The following SMAP2 variants were observed in gnomAD, a reference collection of about 807,000 sequenced individuals.
SMAP2 encodes stromal membrane-associated protein 2.
A neutral mutation model predicts 56.4 loss-of-function variants in SMAP2; 25 were observed. The observed-to-expected ratio is 0.44, with a 90% CI of 0.32 to 0.62. The LOEUF (loss-of-function observed/expected upper bound fraction) is 0.62, where lower values mean the gene tolerates loss of function less well. SMAP2 is among the 20% of genes least tolerant of loss of function. SMAP2 has a pLI of 0.04. For missense variants in SMAP2, 388 were observed against 545.6 expected (o/e 0.71, Z 2.88); for synonymous variants, 157 against 181.7 (o/e 0.86, Z 1.09).
At chr1:40,353,179 G>T (rs1644417497) in intron 1 of SMAP2, among the ~76,000 whole-genome samples, 1 of 152,190 alleles carries the variant, frequency 6.6e-6, no homozygotes, top group Non-Finnish European at 1.5e-5. Flanking sequence ...AGACTGCTGT[G>T]AGCTTCTCGG....
chr1:40,400,596 G>A (rs940695664), intron 1 of SMAP2, among the ~76,000 whole-genome samples: 2 of 152,194 alleles, frequency 1.3e-5, no homozygotes, highest in African/African-American at 4.8e-5. Flanking sequence ...GTTTCATGAT[G>A]CATAATTTTC....
intron 1 of SMAP2, among the ~76,000 whole-genome samples, chr1:40,404,873 C>T (rs16827275): frequency 0.073 from 11,070 of 152,140 alleles, 518 homozygotes; most frequent in East Asian, 0.19. Flanking sequence ...AACAAGTGTG[C>T]GAATCATTTT....
Position 40,422,181 on chromosome 1 carries a change from C to G in SMAP2, c.*80C>G. On this transcript the variant is annotated 3_prime_UTR_variant, in exon 10 of 10. Transcript: ENST00000372718. ...ACAGCCTCCACCCCTGACCCCCATCCTCTTTTCCTACCTCTCTGTTTGGTT... is the reference window on the plus strand; with the variant it reads ...ACAGCCTCCACCCCTGACCCCCATCGTCTTTTCCTACCTCTCTGTTTGGTT... 6.4e-7 allele frequency: 1 copy of G among 1,561,816 alleles called. No individual in the cohort carries two copies. The highest frequency in any genetic ancestry group is 8.7e-7 in the Non-Finnish European group (1 of 1,151,576).
chr1:40,413,698 A>C (rs1644959771), intron 5 of SMAP2, among the ~76,000 whole-genome samples: 1 of 152,248 alleles, frequency 6.6e-6, no homozygotes, highest in South Asian at 2.1e-4. Context: ...GTCTGTGGAC[A>C]CAATCACTAG....
At chr1:40,351,505 T>G (rs1644408711) in intron 1 of SMAP2, among the ~76,000 whole-genome samples, 1 of 152,114 alleles carries the variant, frequency 6.6e-6, no homozygotes, top group African/African-American at 2.4e-5. Flanking sequence ...TCATTTTTAT[T>G]TATTTATTTA....
intron 1 of SMAP2, among the ~76,000 whole-genome samples, chr1:40,378,022 C>T (rs1393556698): frequency 2.0e-5 from 3 of 152,166 alleles, no homozygotes; most frequent in South Asian, 2.1e-4. Context: ...AATGCTATGC[C>T]AGTAGTTGTT....
chr1:40,399,575 G>A (rs565780143), intron 1 of SMAP2, among the ~76,000 whole-genome samples: 11 of 148,328 alleles, frequency 7.4e-5, no homozygotes, highest in Admixed American at 2.0e-4. Flanking sequence ...GGTGGCTCAT[G>A]CATCTAGTCC....
rs141582493 is a variant in SMAP2, at chr1:40,408,878, A to G, written c.323+140A>G. 77 of 626,690 alleles carry G rather than the reference A, an allele frequency of 1.2e-4. No individual in the cohort carries two copies. Among genetic ancestry groups the G allele is most frequent in the African/African-American group, 1.2e-3 (65 of 53,852 alleles). 38.8% of individuals were successfully genotyped at this position (626,690 alleles called of 1,614,324 possible). The stretch of plus-strand genomic sequence containing the variant: ...GTCCTTGCTTGTCCTCTGTCCTGCA[A>G]TCAAGGTGCACAAAAAGCACATGTA... On this transcript the variant is annotated intron_variant, in intron 3 of 9. Transcript: ENST00000372718. The surrounding 1 kb of genome is among the most constrained non-coding windows in gnomAD (Gnocchi z 4.3).
At chr1:40,388,031 C>T (rs1341412233) in intron 1 of SMAP2, among the ~76,000 whole-genome samples, 3 of 152,182 alleles carry the variant, frequency 2.0e-5, no homozygotes, top group African/African-American at 4.8e-5. Flanking sequence ...GGTCCCCCAG[C>T]AGTGCCGGCC....
chr1:40,380,269 T>A (rs1372654906), intron 1 of SMAP2, among the ~76,000 whole-genome samples: 1 of 152,176 alleles, frequency 6.6e-6, no homozygotes, highest in Non-Finnish European at 1.5e-5. Flanking sequence ...GTTCTGGCAT[T>A]TTTGCAAATG....
At chr1:40,399,310 A>ATTTTTTTTTTTTTTTT (rs747127620) in intron 1 of SMAP2, among the ~76,000 whole-genome samples, 431 of 91,882 alleles carry the variant, frequency 4.7e-3, no homozygotes, top group East Asian at 5.5e-3. Flanking sequence ...ACGTGTGGCT[A>ATTTTTTTTTTTTTTTT]TTTTTTTTTT....
At chr1:40,352,968 G>A (rs1054067582) in intron 1 of SMAP2, among the ~76,000 whole-genome samples, 3 of 152,190 alleles carry the variant, frequency 2.0e-5, no homozygotes, top group Admixed American at 6.5e-5. Flanking sequence ...CTAAGACTAC[G>A]TTTGCAGATG....
intron 9 of SMAP2, among the ~76,000 whole-genome samples, chr1:40,418,011 A>C (rs185565435): frequency 6.6e-6 from 1 of 152,346 alleles, no homozygotes; most frequent in African/African-American, 2.4e-5. Context: ...ATAGAAAATG[A>C]AAATCAAAAC....
intron 3 of SMAP2, 108 bp from the exon 4 acceptor site, chr1:40,409,649 C>G: frequency 1.3e-6 from 1 of 744,168 alleles, no homozygotes; most frequent in Middle Eastern, 2.4e-4. Context: ...GTGGGGAAAC[C>G]AGGCAAGAGG....
chr1:40,383,869 T>C (rs1407787155), intron 1 of SMAP2, among the ~76,000 whole-genome samples: 1 of 152,108 alleles, frequency 6.6e-6, no homozygotes, highest in Non-Finnish European at 1.5e-5. Context: ...ATTGCAGCGT[T>C]AAAACATGGT....
intron 1 of SMAP2, among the ~76,000 whole-genome samples, chr1:40,350,809 T>C (rs1198889894): frequency 6.6e-6 from 1 of 152,236 alleles, no homozygotes; most frequent in Non-Finnish European, 1.5e-5. Flanking sequence ...TTTAGTCATG[T>C]GAAGAAATTT....
chr1:40,391,523 C>T (rs1212589463), intron 1 of SMAP2, among the ~76,000 whole-genome samples: 2 of 151,996 alleles, frequency 1.3e-5, no homozygotes, highest in African/African-American at 4.8e-5. Flanking sequence ...CAGATAGCAA[C>T]CTAGGAAGGC....
Position 40,422,114 on chromosome 1 carries a change from T to C in SMAP2, c.*13T>C. ...GATGTGGAAATAAAAACAAAACACC[T>C]GTATGGCTGCCATTCTCTTCAGCCC... On this transcript the variant is annotated 3_prime_UTR_variant, in exon 10 of 10. Coordinates refer to ENST00000372718, the MANE Select transcript of SMAP2 (RefSeq NM_022733.3). The C allele has an allele frequency of 1.2e-6, 2 of 1,613,590 alleles. No individual in the cohort carries two copies. The highest frequency in any genetic ancestry group is 1.7e-6 in the Non-Finnish European group (2 of 1,179,840).
At chr1:40,375,107 A>T in intron 1 of SMAP2, 1 of 985,116 alleles carries the variant, frequency 1.0e-6, no homozygotes, top group Non-Finnish European at 1.2e-6. Context: ...ATTAAAAGTC[A>T]GTACAATAGG....
Sources: allele counts gnomAD v4.1 joint callset (sites outside exome capture counted in the v4.1 genomes callset), GRCh38; gene constraint gnomAD v4.1.1; non-coding constraint Gnocchi (gnomAD v3.1); transcripts MANE v1.5; gene names NCBI Gene and HGNC (gene_info 2026-07-23, HGNC 2026-07-21).